PEX5L: variants seen among roughly 807,000 people sequenced by gnomAD.
PEX5L encodes the protein peroxisomal biogenesis factor 5 like, also known as PEX5-related protein.
Under a neutral mutation model 84.0 loss-of-function variants are expected in PEX5L, and 30 were observed. The ratio of observed to expected loss-of-function variants is 0.36; its 90% CI spans 0.27 to 0.48. PEX5L has a LOEUF of 0.48. PEX5L is among the 20% of genes least tolerant of loss of function. The pLI is 0.99. For synonymous variants in PEX5L, 270 were observed against 283.1 expected, an observed-to-expected ratio of 0.95 and a Z score of 0.46; for missense variants, 533 against 754.6, an observed-to-expected ratio of 0.71 and a Z score of 3.44.
At chr3:179,983,583 C>T (rs1786535032) in intron 1 of PEX5L, among the ~76,000 whole-genome samples, 2 of 151,966 alleles carry the variant, frequency 1.3e-5, no homozygotes, top group African/African-American at 4.8e-5. Flanking sequence ...CCAAACAATA[C>T]TAGTTGGGAA....
chr3:179,932,747 C>T (rs1262310017), intron 2 of PEX5L, among the ~76,000 whole-genome samples: 1 of 151,986 alleles, frequency 6.6e-6, no homozygotes, highest in Admixed American at 6.5e-5. Flanking sequence ...TTTAAATTGA[C>T]AAAAATTGCA....
intron 1 of PEX5L, among the ~76,000 whole-genome samples, chr3:180,012,517 C>T (rs1270308335): frequency 6.6e-6 from 1 of 152,064 alleles, no homozygotes; most frequent in Non-Finnish European, 1.5e-5. Context: ...AACCCATTGT[C>T]TTCTTTAGAA....
At chr3:179,862,948 C>G (rs189019037) in intron 7 of PEX5L, among the ~76,000 whole-genome samples, 1 of 152,092 alleles carries the variant, frequency 6.6e-6, no homozygotes, top group Non-Finnish European at 1.5e-5. Flanking sequence ...TATTACAAAG[C>G]TATAGTGATC....
At chr3:179,909,166 T>A (rs894227916) in intron 2 of PEX5L, among the ~76,000 whole-genome samples, 1 of 152,116 alleles carries the variant, frequency 6.6e-6, no homozygotes, top group Non-Finnish European at 1.5e-5. Context: ...GAGCATTCTA[T>A]CATCTGAATG....
intron 8 of PEX5L, among the ~76,000 whole-genome samples, chr3:179,847,739 TTC>T (rs2108408073): frequency 6.6e-6 from 1 of 152,240 alleles, no homozygotes; most frequent in Admixed American, 6.5e-5. Flanking sequence ...TTGAGACAGG[TTC>T]TCTCTCTGTT....
intron 8 of PEX5L, among the ~76,000 whole-genome samples, chr3:179,826,232 T>A (rs890799394): frequency 3.9e-5 from 6 of 152,206 alleles, no homozygotes; most frequent in African/African-American, 1.4e-4. Flanking sequence ...TCCTAGATAG[T>A]GTTCTGTTAT....
At chr3:179,931,337 AT>A (rs964828763) in intron 2 of PEX5L, among the ~76,000 whole-genome samples, 2 of 151,884 alleles carry the variant, frequency 1.3e-5, no homozygotes, top group African/African-American at 4.8e-5. Flanking sequence ...AATCCATTCC[AT>A]TTTTTTTGAA....
In PEX5L at chr3:179,888,217, TGCA is replaced by T. The variant is rs888918458; in HGVS notation, c.199-436_199-434del. 38 of 1,252,946 alleles carry T rather than the reference TGCA, an allele frequency of 3.0e-5. No homozygotes were observed. In the African/African-American group the frequency reaches 5.5e-4, roughly 18 times the overall value. 77.6% of individuals were successfully genotyped at this position (1,252,946 alleles called of 1,614,324 possible). A position where few individuals can be genotyped will look rare whatever the true frequency, so the allele number is the denominator to read the frequency against. ...GCTCAGTCAGTGTTTATGTGGGGAG[TGCA>T]AACACACGGATCAGTGTGGGTGGAT... On this transcript the variant is annotated intron_variant, in intron 3 of 14. Coordinates refer to ENST00000467460, the MANE Select transcript of PEX5L (RefSeq NM_016559.3).
At chr3:179,863,072 G>T (rs1239785461) in intron 7 of PEX5L, among the ~76,000 whole-genome samples, 1 of 152,114 alleles carries the variant, frequency 6.6e-6, no homozygotes, top group East Asian at 1.9e-4. Flanking sequence ...AAGTTGCCAA[G>T]AATACACAAT....
chr3:179,885,494 A>G (rs1429591042), intron 4 of PEX5L, among the ~76,000 whole-genome samples: 2 of 152,118 alleles, frequency 1.3e-5, no homozygotes, highest in Admixed American at 1.3e-4. Flanking sequence ...AAGATACAAA[A>G]AATCAGCCAG....
chr3:179,855,031 G>A (rs1743369453), intron 8 of PEX5L, among the ~76,000 whole-genome samples: 1 of 152,170 alleles, frequency 6.6e-6, no homozygotes, highest in African/African-American at 2.4e-5. Flanking sequence ...GAAGATCGGA[G>A]GAAAGAGTGT....
intron 2 of PEX5L, among the ~76,000 whole-genome samples, chr3:179,899,104 T>C (rs559110493): frequency 6.6e-6 from 1 of 152,178 alleles, no homozygotes; most frequent in South Asian, 2.1e-4. Context: ...GAAGTAGAAT[T>C]ATAAACTGTA....
chr3:179,913,072 C>T (rs968747220), intron 2 of PEX5L, among the ~76,000 whole-genome samples: 3 of 152,072 alleles, frequency 2.0e-5, no homozygotes, highest in African/African-American at 7.2e-5. Flanking sequence ...GTGTTTTGTT[C>T]CCTTTAGTCA....
Position 179,801,475 on chromosome 3 carries a change from T to C in PEX5L, c.*353A>G. On this transcript the variant is annotated 3_prime_UTR_variant, in exon 15 of 15. Coordinates refer to ENST00000467460, the MANE Select transcript of PEX5L (RefSeq NM_016559.3). ...TTTTTCCATGTTTCCCATGAACAAG[T>C]TCCTCAGATGTGTCATCAGCTGCAA... 1 of 215,110 alleles carries C rather than the reference T, an allele frequency of 4.6e-6. No homozygotes were observed. Among genetic ancestry groups the C allele is most frequent in the South Asian group, 8.7e-5 (1 of 11,436 alleles). The allele number at this position is 215,110 out of a possible 1,614,324, so 13.3% of individuals were successfully genotyped here. A position where few individuals can be genotyped will look rare whatever the true frequency, so the allele number is the denominator to read the frequency against.
intron 2 of PEX5L, among the ~76,000 whole-genome samples, chr3:179,958,852 T>C (rs1466654310): frequency 2.6e-5 from 4 of 152,052 alleles, no homozygotes; most frequent in Admixed American, 2.6e-4. Context: ...TGGAATAACA[T>C]AAACCAATGC....
intron 1 of PEX5L, among the ~76,000 whole-genome samples, chr3:179,995,522 G>A (rs984845506): frequency 3.9e-5 from 6 of 152,144 alleles, no homozygotes; most frequent in Admixed American, 2.6e-4. Flanking sequence ...TTCACTGCTT[G>A]TGAGAGGCAA....
At chr3:179,944,568 C>T (rs557734490) in intron 2 of PEX5L, among the ~76,000 whole-genome samples, 3 of 152,342 alleles carry the variant, frequency 2.0e-5, no homozygotes, top group East Asian at 1.9e-4. Flanking sequence ...ATTCTCATCC[C>T]TTCCTTTTCC....
intron 14 of PEX5L, among the ~76,000 whole-genome samples, chr3:179,806,507 C>G (rs1721358942): frequency 6.6e-6 from 1 of 152,210 alleles, no homozygotes; most frequent in Non-Finnish European, 1.5e-5. Context: ...AGTGCAACAA[C>G]TATTTTCTAG....
intron 2 of PEX5L, among the ~76,000 whole-genome samples, chr3:179,964,486 G>A (rs925822416): frequency 6.6e-6 from 1 of 152,128 alleles, no homozygotes; most frequent in Non-Finnish European, 1.5e-5. Flanking sequence ...CACAGCAAAA[G>A]AAACTGTCAA....
Sources: allele counts gnomAD v4.1 joint callset (sites outside exome capture counted in the v4.1 genomes callset), GRCh38; gene constraint gnomAD v4.1.1; transcripts MANE v1.5; gene names NCBI Gene and HGNC (gene_info 2026-07-23, HGNC 2026-07-21).